Variants in OSBPL2 observed in about 807,000 individuals in gnomAD.
OSBPL2 encodes the protein oxysterol-binding protein-related protein 2.
In OSBPL2, 18 loss-of-function variants were observed where a neutral mutation model predicts 58.4. The ratio of observed to expected loss-of-function variants is 0.31; its 90% CI spans 0.21 to 0.46. The LOEUF is 0.46. Ranked by LOEUF, OSBPL2 falls within the 20% of genes least tolerant of loss-of-function variation. The pLI is 1.00. For synonymous variants in OSBPL2, 221 were observed against 234.1 expected, an observed-to-expected ratio of 0.94 and a Z score of 0.51; for missense variants, 461 against 616.5, an observed-to-expected ratio of 0.75 and a Z score of 2.67.
At chr20:62,293,424 T>G (rs1314386554) in intron 13 of OSBPL2, among the ~76,000 whole-genome samples, 1 of 152,366 alleles carries the variant, frequency 6.6e-6, no homozygotes, top group East Asian at 1.9e-4. Context: ...CTTGGTTTGC[T>G]TTAAATGACA....
At position 62,282,037 on chromosome 20, in the gene OSBPL2, T is replaced by C. The variant is rs1216103040; in HGVS notation, c.872+158T>C. On this transcript the variant is annotated intron_variant, in intron 9 of 13. Coordinates refer to ENST00000313733, the MANE Select transcript of OSBPL2 (RefSeq NM_144498.4). ...TCCAGAAGTATGACTCTTTTTTGTT[T>C]TGGAAAGACATTTTGTTATTGAGCA... 2.6e-5 allele frequency: 12 copies of C among 468,686 alleles called. No homozygotes were observed. In the East Asian group the frequency reaches 3.7e-4, roughly 15 times the overall value. 29.0% of individuals were successfully genotyped at this position (468,686 alleles called of 1,614,324 possible).
Position 62,256,110 on chromosome 20 carries a change from C to T in OSBPL2, c.-75C>T. On this transcript the variant is annotated 5_prime_UTR_variant, in exon 2 of 14. Coordinates refer to ENST00000313733, the MANE Select transcript of OSBPL2 (RefSeq NM_144498.4). ...GAGAAAGTTTGTAAAATTCCTTACA[C>T]TGTAGATGTGGATCAGATACGATGA... The T allele has an allele frequency of 6.5e-7, 1 of 1,529,950 alleles. No individual in the cohort carries two copies. The highest frequency in any genetic ancestry group is 1.7e-5 in the Admixed American group (1 of 57,898). The allele number at this position is 1,529,950 out of a possible 1,614,324, so 94.8% of individuals were successfully genotyped here.
chr20:62,239,947 G>T lies in OSBPL2; in HGVS notation c.-129+1350G>T, dbSNP rs188020179. 3.6e-3 allele frequency among the ~76,000 whole-genome samples: 541 copies of T among 152,334 alleles called. 1 individual carries two copies. The highest frequency in any genetic ancestry group is 0.014 in the Middle Eastern group (4 of 294). On this transcript the variant is annotated intron_variant, in intron 1 of 13. Transcript: ENST00000313733. ...GACTCACTGCCACCTCCGTCTCCCGGCTTCAAGCCATTCTCCTGCCTTAGC... is the reference window on the plus strand; with the variant it reads ...GACTCACTGCCACCTCCGTCTCCCGTCTTCAAGCCATTCTCCTGCCTTAGC...
In OSBPL2 at chr20:62,267,914, G is replaced by A. The variant is rs369009890; in HGVS notation, c.259-4211G>A. On this transcript the variant is annotated intron_variant, in intron 4 of 13. Coordinates refer to ENST00000313733, the MANE Select transcript of OSBPL2 (RefSeq NM_144498.4). ...TTATTTATTTTTTTGAGGGAGTCTC[G>A]CTCTGTCGCCCAGGCTAGAGTGCAG... Among the ~76,000 whole-genome samples, 8 of 151,870 alleles carry A rather than the reference G, an allele frequency of 5.3e-5. No homozygotes were observed. The South Asian group carries it at 1.5e-3, about 28-fold the overall frequency.
At chr20:62,277,383 C>T (rs1157822936) in intron 6 of OSBPL2, among the ~76,000 whole-genome samples, 1 of 152,276 alleles carries the variant, frequency 6.6e-6, no homozygotes, top group Non-Finnish European at 1.5e-5. Context: ...CAGCACCCTT[C>T]CCCAGGGGCT....
At chr20:62,253,453 C>G (rs533091983) in intron 1 of OSBPL2, among the ~76,000 whole-genome samples, 1 of 152,364 alleles carries the variant, frequency 6.6e-6, no homozygotes, top group Admixed American at 6.5e-5. Flanking sequence ...ATTGTCTCCT[C>G]TTTCTTGTGG....
intron 12 of OSBPL2, among the ~76,000 whole-genome samples, chr20:62,289,919 A>G (rs1450929435): frequency 2.0e-5 from 3 of 152,196 alleles, no homozygotes; most frequent in Admixed American, 6.5e-5. Flanking sequence ...ACAAACAACA[A>G]CAACAAAAAA....
rs1982590335 is a variant in OSBPL2, at chr20:62,278,865, T to C, written c.492-292T>C. 5 of 377,264 alleles carry C rather than the reference T, an allele frequency of 1.3e-5. No homozygotes were observed. The South Asian group carries it at 1.9e-4, about 14-fold the overall frequency. 23.4% of individuals were successfully genotyped at this position (377,264 alleles called of 1,614,324 possible). A position where few individuals can be genotyped will look rare whatever the true frequency, so the allele number is the denominator to read the frequency against. ...CGTTAGGCCGAGTGCGATGTCATGT[T>C]TGTGTGTGTGTTTGTTGCCAACGTT... On this transcript the variant is annotated intron_variant, in intron 6 of 13. Coordinates refer to ENST00000313733, the MANE Select transcript of OSBPL2 (RefSeq NM_144498.4).
chr20:62,276,517 C>T (rs916713057), intron 6 of OSBPL2, among the ~76,000 whole-genome samples: 4 of 152,244 alleles, frequency 2.6e-5, no homozygotes, highest in Non-Finnish European at 5.9e-5. Flanking sequence ...TACCCACATG[C>T]TGCCCGTGCG....
chr20:62,283,652 A>C (rs75149402), intron 9 of OSBPL2, among the ~76,000 whole-genome samples: 1 of 152,308 alleles, frequency 6.6e-6, no homozygotes, highest in Non-Finnish European at 1.5e-5. Flanking sequence ...CAGTGGGCGC[A>C]TGCAGCTTTA....
intron 1 of OSBPL2, among the ~76,000 whole-genome samples, chr20:62,252,804 G>A (rs925256605): frequency 2.6e-5 from 4 of 152,258 alleles, no homozygotes; most frequent in South Asian, 2.1e-4. Flanking sequence ...CGAAGCGGGT[G>A]CAGGCGCCTC....
rs1983682264 is a variant in OSBPL2 at position 62,293,793 on chromosome 20, A to C, written c.1349A>C (p.Tyr450Ser). 4 of 1,613,592 alleles carry C rather than the reference A, an allele frequency of 2.5e-6. No individual in the cohort carries two copies. In the South Asian group the frequency reaches 4.4e-5, roughly 18 times the overall value. ...TCCCTTGTATCCGGCAGGTGGTTCT[A>C]CCCAGGCAATAACCCCTACACTGGG... The part of the protein sequence containing the change: ...EEAEWQTRWF[Y>S]PGNNPYTGTP... Residue 450 changes from tyrosine (Y) to serine (S), a missense_variant, in exon 14 of 14, where the codon TAC becomes TCC. Physicochemically the swap from Tyr to Ser is moderately radical, Grantham distance 144. Around this residue, in one of 5 missense-constraint regions of OSBPL2, gnomAD observed 319 missense variants for 419.2 expected, o/e 0.76. Coordinates refer to ENST00000313733, the MANE Select transcript of OSBPL2 (RefSeq NM_144498.4).
intron 1 of OSBPL2, among the ~76,000 whole-genome samples, chr20:62,251,524 T>G (rs1012228774): frequency 6.6e-6 from 1 of 151,888 alleles, no homozygotes; most frequent in Non-Finnish European, 1.5e-5. Context: ...TTCTCCTGCC[T>G]CGGCCTCCCG....
rs1307658797 is a variant in OSBPL2, at chr20:62,294,300, C to T, written c.*413C>T. 5 of 174,904 alleles carry T rather than the reference C, an allele frequency of 2.9e-5. No individual in the cohort carries two copies. Among genetic ancestry groups the T allele is most frequent in the African/African-American group, 9.5e-5 (4 of 41,980 alleles). 10.8% of individuals were successfully genotyped at this position (174,904 alleles called of 1,614,324 possible). A position where few individuals can be genotyped will look rare whatever the true frequency, so the allele number is the denominator to read the frequency against. On this transcript the variant is annotated 3_prime_UTR_variant, in exon 14 of 14. Transcript: ENST00000313733. ...TTCTGAAAGCCTTTTAAACTCGAAC[C>T]AGTGGGGGAAAGATGGATCTTGAAG...
chr20:62,286,622 G>A lies in OSBPL2; in HGVS notation c.1036G>A (p.Asp346Asn), dbSNP rs754323214. 46 of 1,613,600 alleles carry A rather than the reference G, an allele frequency of 2.9e-5. No individual in the cohort carries two copies. The highest frequency in any genetic ancestry group is 3.8e-5 in the Non-Finnish European group (45 of 1,179,898). ...SGKADSDVADDVPVAQETVQV... is the reference protein window; with the variant it reads ...SGKADSDVADNVPVAQETVQV... ...GAAGGCTGACAGCGACGTGGCTGAC[G>A]ACGTGCCTGTGGCCCAGGAGACCGT... is the stretch of plus-strand genomic sequence containing the variant. Residue 346 changes from aspartate to asparagine, a missense_variant, in exon 11 of 14, where the codon GAC becomes AAC. Physicochemically the swap from Asp to Asn is conservative, Grantham distance 23 (BLOSUM62 1). Coordinates refer to ENST00000313733, the MANE Select transcript of OSBPL2 (RefSeq NM_144498.4).
rs763139046 is a variant in OSBPL2 at position 62,293,943 on chromosome 20, G to T, written c.*56G>T. 6.3e-7 allele frequency: 1 copy of T among 1,590,712 alleles called. No homozygotes were observed. The highest frequency in any genetic ancestry group is 1.4e-5 in the African/African-American group (1 of 73,872). Reference sequence around the variant, plus strand: ...GAGGCTGACGAGGCTGGACTTCCTCGAGTGGCCACTGTGAGCCTCGTCACA... The same window carrying T: ...GAGGCTGACGAGGCTGGACTTCCTCTAGTGGCCACTGTGAGCCTCGTCACA... On this transcript the variant is annotated 3_prime_UTR_variant, in exon 14 of 14. Coordinates refer to ENST00000313733, the MANE Select transcript of OSBPL2 (RefSeq NM_144498.4).
At chr20:62,246,865 T>C (rs1194240097) in intron 1 of OSBPL2, among the ~76,000 whole-genome samples, 1 of 152,230 alleles carries the variant, frequency 6.6e-6, no homozygotes, top group Non-Finnish European at 1.5e-5. Flanking sequence ...TTCTGTTCTT[T>C]AATTTCCACA....
rs1399969122 is a variant in OSBPL2, at chr20:62,285,530, C to T, written c.997-1053C>T. 2.6e-5 allele frequency: 4 copies of T among 152,188 alleles called. No homozygotes were observed. In the East Asian group the frequency reaches 7.7e-4, roughly 29 times the overall value. 9.4% of individuals were successfully genotyped at this position (152,188 alleles called of 1,614,324 possible). Reference sequence around the variant, plus strand: ...AGCAATGTGGCAGGTTTTGTCTTTTCATCAGGGTGTAGAGAGCCTGAAACC... The same window carrying T: ...AGCAATGTGGCAGGTTTTGTCTTTTTATCAGGGTGTAGAGAGCCTGAAACC... On this transcript the variant is annotated intron_variant, in intron 10 of 13. Transcript: ENST00000313733.
chr20:62,255,575 C>T (rs541836285), intron 1 of OSBPL2, among the ~76,000 whole-genome samples: 1 of 152,388 alleles, frequency 6.6e-6, no homozygotes, highest in East Asian at 1.9e-4. Flanking sequence ...ACGATCTCAG[C>T]TCACTGCGAT....
Sources: allele counts gnomAD v4.1 joint callset (sites outside exome capture counted in the v4.1 genomes callset), GRCh38; gene constraint gnomAD v4.1.1; regional missense constraint gnomAD v4.1.1; transcripts MANE v1.5; gene names NCBI Gene and HGNC (gene_info 2026-07-23, HGNC 2026-07-21).